INSR: variants seen among roughly 807,000 people sequenced by gnomAD.
INSR encodes insulin receptor, also known as IR.
Under a neutral mutation model 142.6 loss-of-function variants are expected in INSR, and 67 were observed. That is an observed-to-expected ratio of 0.47 (90% confidence interval 0.39 to 0.58). INSR has a LOEUF of 0.58. Among genes scored for constraint, INSR ranks in the 20% least tolerant of loss-of-function variants. INSR has a pLI of 0.00. For missense variants in INSR, 1,248 were observed against 1,833.2 expected, an observed-to-expected ratio of 0.68 and a Z score of 5.83; for synonymous variants, 756 against 743.1, an observed-to-expected ratio of 1.02 and a Z score of -0.28.
intron 1 of INSR, among the ~76,000 whole-genome samples, chr19:7,269,310 A>G (rs7254487): frequency 0.34 from 50,544 of 149,738 alleles, 9,117 homozygotes; most frequent in East Asian, 0.58. Context: ...AACAAATGGG[A>G]AAAAAAAAGT....
At chr19:7,133,015 C>T (rs898087315) in intron 13 of INSR, among the ~76,000 whole-genome samples, 1 of 151,716 alleles carries the variant, frequency 6.6e-6, no homozygotes, top group African/African-American at 2.4e-5. Flanking sequence ...TAATCCCAGC[C>T]CTATGGGAGG....
chr19:7,213,331 G>C (rs1215883456), intron 2 of INSR, among the ~76,000 whole-genome samples: 5 of 111,412 alleles, frequency 4.5e-5, no homozygotes, highest in Non-Finnish European at 8.8e-5. Context: ...GCTACAGAGC[G>C]ACTCCATCTC....
chr19:7,274,804 CAAA>C (rs772807729), intron 1 of INSR, among the ~76,000 whole-genome samples: 5 of 83,136 alleles, frequency 6.0e-5, no homozygotes, highest in Admixed American at 1.4e-4. Flanking sequence ...GACTGTGTCT[CAAA>C]AAAAAAAAAA....
In INSR at chr19:7,267,070, C is replaced by G. The variant is rs369628143; in HGVS notation, c.652+275G>C. ...ATAAAGTTTTATTGAAACACAGCCA[C>G]AGTCATACATTTATGCATGCCTGTG... On this transcript the variant is annotated intron_variant, in intron 2 of 21. Transcript: ENST00000302850. The surrounding 1 kb of genome is among the most constrained non-coding windows in gnomAD (Gnocchi z 6.3). 1.3e-5 allele frequency among the ~76,000 whole-genome samples: 2 copies of G among 152,082 alleles called. No individual in the cohort carries two copies. Among genetic ancestry groups the G allele is most frequent in the African/African-American group, 4.8e-5 (2 of 41,418 alleles).
At chr19:7,202,370 A>C (rs1974985216) in intron 2 of INSR, among the ~76,000 whole-genome samples, 1 of 152,106 alleles carries the variant, frequency 6.6e-6, no homozygotes, top group Admixed American at 6.6e-5. Context: ...AATTTCCTCT[A>C]TAATCATTTA....
chr19:7,268,267 A>C (rs1157380468), intron 1 of INSR: 1 of 192,580 alleles, frequency 5.2e-6, no homozygotes, highest in Non-Finnish European at 9.5e-6. Flanking sequence ...TTCAGGAGAT[A>C]ATTTACGGGG....
rs746671713 is a variant in INSR at position 7,174,744 on chromosome 19, C to CAGAGAG, written c.975-19_975-14dup. Reference sequence around the variant, plus strand: ...GGTGCACAGCAAGCTAAGGACGGAGCAGAGAGAGAGAGAAAGAGAAAGGGG... The same window carrying CAGAGAG: ...GGTGCACAGCAAGCTAAGGACGGAGCAGAGAGAGAGAGAGAGAGAAAGAGAAAGGGG... On this transcript the variant is annotated splice_polypyrimidine_tract_variant and intron_variant, in intron 3 of 21. Coordinates refer to ENST00000302850, the MANE Select transcript of INSR (RefSeq NM_000208.4). 3.7e-6 allele frequency: 6 copies of CAGAGAG among 1,606,770 alleles called. No homozygotes were observed. In the East Asian group the frequency reaches 1.3e-4, roughly 36 times the overall value.
At chr19:7,206,856 C>A (rs1975118335) in intron 2 of INSR, among the ~76,000 whole-genome samples, 1 of 152,092 alleles carries the variant, frequency 6.6e-6, no homozygotes, top group South Asian at 2.1e-4. Context: ...ACGTTGTCAA[C>A]CACACTTCCT....
At chr19:7,198,029 T>C (rs1277342450) in intron 2 of INSR, among the ~76,000 whole-genome samples, 1 of 146,166 alleles carries the variant, frequency 6.8e-6, no homozygotes, top group African/African-American at 2.5e-5. Context: ...TGTGTGTCCA[T>C]GATGGGCGTG....
At chr19:7,151,199 T>G (rs1343528444) in intron 10 of INSR, among the ~76,000 whole-genome samples, 1 of 116,298 alleles carries the variant, frequency 8.6e-6, no homozygotes, top group Non-Finnish European at 1.9e-5. Flanking sequence ...TTTCTTTCTT[T>G]CTTTCTTTCT....
intron 2 of INSR, among the ~76,000 whole-genome samples, chr19:7,221,644 G>A (rs1167686985): frequency 6.6e-6 from 1 of 151,558 alleles, no homozygotes; most frequent in East Asian, 1.9e-4. Context: ...AGAGGCGGAG[G>A]TTGCAGTGAG....
intron 13 of INSR, among the ~76,000 whole-genome samples, chr19:7,135,619 A>T (rs991327922): frequency 2.0e-5 from 3 of 151,812 alleles, no homozygotes; most frequent in African/African-American, 7.3e-5. Context: ...AGATACTGAA[A>T]ATGCAATTAA....
chr19:7,214,988 C>T (rs79328374), intron 2 of INSR, among the ~76,000 whole-genome samples: 1 of 151,144 alleles, frequency 6.6e-6, no homozygotes, highest in East Asian at 1.9e-4. Context: ...TCAGGGTCTG[C>T]TTCTGTTGCC....
At chr19:7,170,828 A>G in intron 5 of INSR, 77 bp from the exon 6 acceptor site, 2 of 1,166,720 alleles carry the variant, frequency 1.7e-6, no homozygotes, top group Non-Finnish European at 2.6e-6. Context: ...CCATGCTCGG[A>G]GTTGATCTTG....
intron 21 of INSR, among the ~76,000 whole-genome samples, chr19:7,118,708 G>A (rs1371681065): frequency 1.0e-4 from 15 of 150,494 alleles, no homozygotes; most frequent in African/African-American, 3.4e-4. Context: ...CACGAGGTCA[G>A]GAGATCGAGA....
rs1225565072 is a variant in INSR, at chr19:7,168,277, C to A, written c.1484-183G>T. On this transcript the variant is annotated intron_variant, in intron 6 of 21. Coordinates refer to ENST00000302850, the MANE Select transcript of INSR (RefSeq NM_000208.4). The surrounding 1 kb of genome is among the most constrained non-coding windows in gnomAD (Gnocchi z 4.3). ...ATGGGGGAAGATTCAAAGGTAAGAG[C>A]CAGTTTTGCAACTTGGCCACTCACA... Among the ~76,000 whole-genome samples, 1 of 152,178 alleles carries A rather than the reference C, an allele frequency of 6.6e-6. No individual in the cohort carries two copies. The highest frequency in any genetic ancestry group is 2.1e-4 in the South Asian group (1 of 4,822).
At chr19:7,269,038 C>CCACA (rs141333611) in intron 1 of INSR, among the ~76,000 whole-genome samples, 2,808 of 146,836 alleles carry the variant, frequency 0.019, 57 homozygotes, top group African/African-American at 0.049. Flanking sequence ...ACCCACACAC[C>CCACA]CACACACACA....
chr19:7,275,481 T>G (rs1296462492), intron 1 of INSR, among the ~76,000 whole-genome samples: 1 of 151,882 alleles, frequency 6.6e-6, no homozygotes, highest in African/African-American at 2.4e-5. Flanking sequence ...TGAATTAAAG[T>G]GAAAATAAAA....
chr19:7,186,299 C>A (rs1043700011), intron 2 of INSR, among the ~76,000 whole-genome samples: 2 of 152,128 alleles, frequency 1.3e-5, no homozygotes, highest in Non-Finnish European at 2.9e-5. Flanking sequence ...TCCCACCGGC[C>A]AAACTCAGGG....
Sources: gnomAD v4.1 joint callset for allele counts (sites outside exome capture counted in the v4.1 genomes callset) on GRCh38, gnomAD v4.1.1 for gene constraint, Gnocchi (gnomAD v3.1) non-coding constraint, MANE v1.5 for transcripts, NCBI Gene and HGNC (gene_info 2026-07-23, HGNC 2026-07-21) for gene names.